Variants in TNFRSF11A observed in about 807,000 individuals in gnomAD.
TNFRSF11A encodes tumor necrosis factor receptor superfamily member 11A.
TNFRSF11A carries 32 observed loss-of-function variants against 55.7 expected under a neutral mutation model. The ratio of observed to expected loss-of-function variants is 0.57; its 90% confidence interval spans 0.43 to 0.77. The LOEUF (loss-of-function observed/expected upper bound fraction) is 0.77, where lower values mean the gene tolerates loss of function less well. Ranked by LOEUF, TNFRSF11A falls within the 30% of genes least tolerant of loss-of-function variation. The pLI is 0.00. For missense variants in TNFRSF11A, 753 were observed against 809.8 expected, an observed-to-expected ratio of 0.93 and a Z score of 0.85; for synonymous variants, 311 against 331.0, an observed-to-expected ratio of 0.94 and a Z score of 0.65.
chr18:62,373,515 A>G (rs1007307869), intron 9 of TNFRSF11A, among the ~76,000 whole-genome samples: 5 of 152,204 alleles, frequency 3.3e-5, no homozygotes, highest in Non-Finnish European at 2.9e-5. Flanking sequence ...TAGTATCTCA[A>G]TATGTTAAGT....
Position 62,384,798 on chromosome 18 carries a change from G to A in TNFRSF11A, c.1615G>A (p.Val539Met). The A allele has an allele frequency of 6.2e-7, 1 of 1,612,918 alleles. No individual in the cohort carries two copies. The highest frequency in any genetic ancestry group is 8.5e-7 in the Non-Finnish European group (1 of 1,179,588). ...SNSTFISSGQ[V>M]MNFKGDIIVV... is the part of the protein sequence containing the mutation. ...CTCCACGTTCATCTCCAGCGGGCAG[G>A]TGATGAACTTCAAGGGCGACATCAT... The change falls in exon 10 of 10, where the codon GTG becomes ATG. Residue 539 changes from valine (V) to methionine (M), a missense_variant. By Grantham distance (21) the Val-to-Met change is conservative. Around this residue, in one of 3 missense-constraint regions of TNFRSF11A, gnomAD observed 567 missense variants for 596.7 expected, o/e 0.95. Transcript: ENST00000586569.
rs1294659238 is a variant in TNFRSF11A, at chr18:62,384,950, G to T, written c.1767G>T (p.Pro589=). ...DSFAGNGPRF[P]DPCGGPEGLR... The stretch of plus-strand genomic sequence containing the variant: ...TCGCGGGGAACGGCCCGCGCTTCCC[G>T]GACCCGTGCGGCGGCCCCGAGGGGC... Residue 589 remains proline (P), a synonymous_variant, in exon 10 of 10, where the codon CCG becomes CCT. Coordinates refer to ENST00000586569, the MANE Select transcript of TNFRSF11A (RefSeq NM_003839.4). 1 of 1,511,518 alleles carries T rather than the reference G, an allele frequency of 6.6e-7. No homozygotes were observed. Among genetic ancestry groups the T allele is most frequent in the African/African-American group, 1.4e-5 (1 of 70,850 alleles). 93.6% of individuals were successfully genotyped at this position (1,511,518 alleles called of 1,614,324 possible). A position where few individuals can be genotyped will look rare whatever the true frequency, so the allele number is the denominator to read the frequency against.
At chr18:62,376,361 G>A (rs1910898914) in intron 9 of TNFRSF11A, among the ~76,000 whole-genome samples, 1 of 150,868 alleles carries the variant, frequency 6.6e-6, no homozygotes, top group South Asian at 2.1e-4. Flanking sequence ...TGTCAGAAAG[G>A]GATCCCGAGG....
chr18:62,331,259 C>A (rs4429388), intron 1 of TNFRSF11A, among the ~76,000 whole-genome samples: 140,316 of 152,222 alleles, frequency 0.92, 64,793 homozygotes, highest in African/African-American at 0.97. Flanking sequence ...GACACGGCAG[C>A]TGTCAGGACA....
chr18:62,360,102 T>C (rs1909564547), intron 6 of TNFRSF11A, 53 bp downstream of exon 6: 1 of 1,492,546 alleles, frequency 6.7e-7, no homozygotes, highest in Non-Finnish European at 9.3e-7. Flanking sequence ...GGTGGTCAGC[T>C]GGTTTAGATC....
chr18:62,358,660 G>A (rs895019618), intron 5 of TNFRSF11A, among the ~76,000 whole-genome samples: 2 of 152,146 alleles, frequency 1.3e-5, no homozygotes, highest in Admixed American at 6.5e-5. Context: ...TACTTCTCCC[G>A]ATTTCCCAAC....
intron 1 of TNFRSF11A, among the ~76,000 whole-genome samples, chr18:62,347,567 A>G (rs1008370368): frequency 6.6e-6 from 1 of 152,188 alleles, no homozygotes; most frequent in Admixed American, 6.5e-5. Context: ...GGAAGCCCCT[A>G]CAACACCTTG....
rs771249524 is a variant in TNFRSF11A, at chr18:62,369,333, C to G, written c.1416C>G (p.Cys472Trp). The G allele has an allele frequency of 1.2e-6, 2 of 1,609,406 alleles. No individual in the cohort carries two copies. The highest frequency in any genetic ancestry group is 1.7e-6 in the Non-Finnish European group (2 of 1,177,942). ...CAAAACGTGGACCCTTGCCCCAGTGCGCCTATGGCATGGGCCTTCCCCCTG... is the reference window on the plus strand; with the variant it reads ...CAAAACGTGGACCCTTGCCCCAGTGGGCCTATGGCATGGGCCTTCCCCCTG... ...GSPKRGPLPQ[C>W]AYGMGLPPEE... Residue 472 changes from cysteine (C) to tryptophan (W), a missense_variant, in exon 9 of 10, where the codon TGC (cysteine) becomes TGG (tryptophan). Transcript: ENST00000586569.
chr18:62,332,983 A>G (rs769146460), intron 1 of TNFRSF11A, among the ~76,000 whole-genome samples: 11 of 152,124 alleles, frequency 7.2e-5, no homozygotes, highest in Non-Finnish European at 1.5e-4. Context: ...CCGAGTGGAG[A>G]ATCGGGCAGG....
chr18:62,339,205 C>T (rs1375809691), intron 1 of TNFRSF11A, among the ~76,000 whole-genome samples: 2 of 152,122 alleles, frequency 1.3e-5, no homozygotes, highest in Non-Finnish European at 2.9e-5. Context: ...CCCGAAGCAG[C>T]CCCCACCTTT....
At position 62,373,473 on chromosome 18, in the gene TNFRSF11A, G is replaced by GA. The variant is rs1266504348; in HGVS notation, c.1567+3995dup. 2.0e-5 allele frequency among the ~76,000 whole-genome samples: 3 copies of GA among 151,828 alleles called. No homozygotes were observed. The East Asian group carries it at 5.8e-4, about 29-fold the overall frequency. ...GTCTCAAAAAAAAAAAGAAAGAAAA[G>GA]AAAAAAGGGAATTCTCATAGCCTAA... On this transcript the variant is annotated intron_variant, in intron 9 of 9. Transcript: ENST00000586569.
intron 7 of TNFRSF11A, 26 bp from the exon 8 acceptor site, chr18:62,366,682 C>T (rs1568488739): frequency 6.2e-7 from 1 of 1,612,176 alleles, no homozygotes; most frequent in Non-Finnish European, 8.5e-7. Flanking sequence ...AACTTGAAGT[C>T]CTTATCCTTG....
chr18:62,361,577 C>A (rs1164563952), intron 6 of TNFRSF11A, 103 bp from the exon 7 acceptor site: 2 of 1,170,886 alleles, frequency 1.7e-6, no homozygotes, highest in Non-Finnish European at 2.6e-6. Context: ...CTATCCCAGA[C>A]CAACATTTTT....
intron 1 of TNFRSF11A, among the ~76,000 whole-genome samples, chr18:62,340,850 G>A (rs749598046): frequency 3.9e-5 from 6 of 152,198 alleles, no homozygotes; most frequent in Admixed American, 1.3e-4. Context: ...GGTGTGCCAC[G>A]TGATCCAGCA....
chr18:62,363,390 ACAGAGTCTCGCTCTGTCGCCCAAG>A (rs1201486521), intron 7 of TNFRSF11A, among the ~76,000 whole-genome samples: 3 of 131,976 alleles, frequency 2.3e-5, no homozygotes, highest in Non-Finnish European at 3.2e-5. Context: ...TTTTTTTGAG[ACAGAGTCTCGCTCTGTCGCCCAAG>A]CTGGAGTGCA....
At chr18:62,358,583 C>T (rs1434643907) in intron 5 of TNFRSF11A, among the ~76,000 whole-genome samples, 1 of 152,202 alleles carries the variant, frequency 6.6e-6, no homozygotes, top group African/African-American at 2.4e-5. Flanking sequence ...CTGTGACTTA[C>T]GGTTGCAGCT....
chr18:62,337,608 A>G (rs2046253612), intron 1 of TNFRSF11A, among the ~76,000 whole-genome samples: 1 of 152,138 alleles, frequency 6.6e-6, no homozygotes, highest in Admixed American at 6.5e-5. Context: ...CGTGCTGTAC[A>G]TTTGGCTTGT....
At chr18:62,327,735 T>C (rs1321351220) in intron 1 of TNFRSF11A, among the ~76,000 whole-genome samples, 1 of 152,258 alleles carries the variant, frequency 6.6e-6, no homozygotes, top group Non-Finnish European at 1.5e-5. Flanking sequence ...AAGTGCCTTA[T>C]CTGTAGGGAT....
At chr18:62,368,436 T>G (rs942986923) in intron 8 of TNFRSF11A, among the ~76,000 whole-genome samples, 2 of 152,240 alleles carry the variant, frequency 1.3e-5, no homozygotes, top group African/African-American at 2.4e-5. Context: ...AAAAGTCATT[T>G]GGGTTAGCTC....
Sources: gnomAD v4.1 joint callset for allele counts (sites outside exome capture counted in the v4.1 genomes callset) on GRCh38, gnomAD v4.1.1 for gene constraint, gnomAD v4.1.1 regional missense constraint, MANE v1.5 for transcripts, NCBI Gene and HGNC (gene_info 2026-07-23, HGNC 2026-07-21) for gene names.